ATP2C2: variants seen among roughly 807,000 people sequenced by gnomAD.
ATP2C2 encodes the protein calcium-transporting ATPase type 2C member 2.
A neutral mutation model predicts 110.8 loss-of-function variants in ATP2C2; 171 were observed. That is an observed-to-expected ratio of 1.54 (90% confidence interval 1.36 to 1.75). ATP2C2 has a LOEUF of 1.75. Ranked by LOEUF, ATP2C2 falls within the 40% of genes most tolerant of loss-of-function variation. The pLI, the probability that ATP2C2 is intolerant of heterozygous loss-of-function variation, is 0.00. For synonymous variants in ATP2C2, 804 were observed against 508.4 expected, an observed-to-expected ratio of 1.58 and a Z score of -7.82; for missense variants, 1,963 against 1,235.0, an observed-to-expected ratio of 1.59 and a Z score of -8.84.
rs372740954 is a variant in ATP2C2, at chr16:84,452,081, C to G, written c.1821C>G (p.Ala607=). 4.3e-6 allele frequency: 7 copies of G among 1,613,836 alleles called. No homozygotes were observed. Among genetic ancestry groups the G allele is most frequent in the African/African-American group, 4.0e-5 (3 of 74,852 alleles). ...TAACGGGGGATGCCCTGGAGACGGC[C>G]TTGGCCATAGGTAACTGGGACAGGG... ...KMITGDALET[A]LAIGRNIGLC... The change falls in exon 18 of 27, where the codon GCC becomes GCG. Residue 607 remains alanine (A), a synonymous_variant. Transcript: ENST00000262429.
rs74038217 is a variant in ATP2C2, at chr16:84,422,532, G to A, written c.767G>A (p.Arg256Lys). The A allele has an allele frequency of 1.2e-3, 1,910 of 1,614,004 alleles. 24 individuals carry two copies. In the African/African-American group the frequency reaches 0.023, roughly 19 times the overall value. ...VFMGTLVQYG[R>K]GQGVVIGTGE... is the part of the protein sequence containing the mutation. Reference sequence around the variant, plus strand: ...ATGGGGACCCTGGTGCAGTATGGGAGGGGCCAGGTAAGCCCTGGGACACCG... The same window carrying A: ...ATGGGGACCCTGGTGCAGTATGGGAAGGGCCAGGTAAGCCCTGGGACACCG... Residue 256 changes from arginine (R) to lysine (K), a missense_variant, in exon 8 of 27, where the codon AGG becomes AAG. Transcript: ENST00000262429.
At chr16:84,412,455 TG>T in intron 6 of ATP2C2, among the ~76,000 whole-genome samples, 1 of 124,666 alleles carries the variant, frequency 8.0e-6, no homozygotes, top group East Asian at 4.3e-4. Context: ...TGTGTGTCTG[TG>T]TCTCCGTGTG....
chr16:84,397,740 C>T (rs906652918), intron 1 of ATP2C2, among the ~76,000 whole-genome samples: 3 of 148,516 alleles, frequency 2.0e-5, no homozygotes, highest in African/African-American at 7.4e-5. Context: ...TATTCATCAA[C>T]AGGAGAACAA....
chr16:84,368,589 C>A lies in ATP2C2; in HGVS notation c.-27C>A. 6.6e-7 allele frequency: 1 copy of A among 1,520,018 alleles called. No individual in the cohort carries two copies. The highest frequency in any genetic ancestry group is 8.9e-7 in the Non-Finnish European group (1 of 1,124,102). 94.2% of individuals were successfully genotyped at this position (1,520,018 alleles called of 1,614,324 possible). A position where few individuals can be genotyped will look rare whatever the true frequency, so the allele number is the denominator to read the frequency against. On this transcript the variant is annotated 5_prime_UTR_variant, in exon 1 of 27. Coordinates refer to ENST00000262429, the MANE Select transcript of ATP2C2 (RefSeq NM_014861.4). ...CCGGGCCTCGCCGGGGACCTAGGGA[C>A]GCAGGCAACGCCTGCGCCCGCTCAC...
At chr16:84,462,311 A>G (rs1240316992) in intron 26 of ATP2C2, 182 bp downstream of exon 26, 8 of 755,980 alleles carry the variant, frequency 1.1e-5, no homozygotes, top group Non-Finnish European at 1.7e-5. Flanking sequence ...GGGTGATGTG[A>G]CGGATGCACA....
chr16:84,387,009 A>G (rs2151404767), intron 1 of ATP2C2, among the ~76,000 whole-genome samples: 1 of 152,230 alleles, frequency 6.6e-6, no homozygotes, highest in African/African-American at 2.4e-5. Context: ...CACTGTCTTA[A>G]GCTTGATTGT....
At chr16:84,405,503 C>T (rs969879909) in intron 3 of ATP2C2, among the ~76,000 whole-genome samples, 1 of 151,010 alleles carries the variant, frequency 6.6e-6, no homozygotes, top group African/African-American at 2.4e-5. Flanking sequence ...AATAAGTAAG[C>T]ATGCGCTTAC....
intron 11 of ATP2C2, among the ~76,000 whole-genome samples, chr16:84,437,914 C>T (rs1487258469): frequency 1.3e-5 from 2 of 152,240 alleles, no homozygotes; most frequent in Non-Finnish European, 2.9e-5. Context: ...AGCAATCGCT[C>T]ATCTTTCTTT....
At chr16:84,439,020 AC>A (rs2150565811) in intron 11 of ATP2C2, 145 bp from the exon 12 acceptor site, 1 of 1,226,268 alleles carries the variant, frequency 8.2e-7, no homozygotes, top group Non-Finnish European at 1.1e-6. Context: ...AGGCAGGTGC[AC>A]CTTAGGATTG....
chr16:84,414,179 A>C (rs1906630850), intron 6 of ATP2C2, among the ~76,000 whole-genome samples: 1 of 152,210 alleles, frequency 6.6e-6, no homozygotes, highest in Non-Finnish European at 1.5e-5. Context: ...CTGAGGGAGC[A>C]ACAGGTATAT....
In ATP2C2 at chr16:84,461,333, C is replaced by G. The variant is rs1264352594; in HGVS notation, c.2482-381C>G. The G allele has an allele frequency of 1.2e-5, 4 of 324,600 alleles. No homozygotes were observed. The Admixed American group carries it at 1.8e-4, about 15-fold the overall frequency. The allele number at this position is 324,600 out of a possible 1,614,324, so 20.1% of individuals were successfully genotyped here. ...AGGGGACCCTGGCCGGGTACCCTGC[C>G]TCCATTTTCCCTCCAGCTCTCCCTC... On this transcript the variant is annotated intron_variant, in intron 24 of 26. Transcript: ENST00000262429.
rs1011230135 is a variant in ATP2C2 at position 84,452,125 on chromosome 16, G to A, written c.1831+34G>A. 2.5e-6 allele frequency: 4 copies of A among 1,612,172 alleles called. No individual in the cohort carries two copies. In the African/African-American group the frequency reaches 5.3e-5, roughly 22 times the overall value. On this transcript the variant is annotated intron_variant, in intron 18 of 26. Coordinates refer to ENST00000262429, the MANE Select transcript of ATP2C2 (RefSeq NM_014861.4). ...GACAGGGTCGGGGGTGAGGACGAAA[G>A]GACCCATCCATCCTTTACGATGGGG...
chr16:84,390,912 G>A (rs1157576706), intron 1 of ATP2C2, among the ~76,000 whole-genome samples: 1 of 152,090 alleles, frequency 6.6e-6, no homozygotes, highest in Non-Finnish European at 1.5e-5. Flanking sequence ...TCAGGAGTTT[G>A]AGACCAGCCC....
intron 15 of ATP2C2, among the ~76,000 whole-genome samples, chr16:84,445,006 C>G (rs544971218): frequency 6.6e-6 from 1 of 152,052 alleles, no homozygotes; most frequent in Non-Finnish European, 1.5e-5. Flanking sequence ...TTAGTGTAAC[C>G]AAAACACACT....
intron 2 of ATP2C2, among the ~76,000 whole-genome samples, chr16:84,400,691 A>G (rs1468543699): frequency 6.6e-6 from 1 of 152,076 alleles, no homozygotes; most frequent in Non-Finnish European, 1.5e-5. Context: ...CATTCCTACC[A>G]ACAGTGTACA....
At chr16:84,395,877 C>T (rs1401717982) in intron 1 of ATP2C2, among the ~76,000 whole-genome samples, 1 of 152,196 alleles carries the variant, frequency 6.6e-6, no homozygotes, top group South Asian at 2.1e-4. Flanking sequence ...AAGGGTATGG[C>T]TCTCTGGCAT....
In ATP2C2 at chr16:84,451,971, C is replaced by A. The variant is rs146513346; in HGVS notation, c.1711C>A (p.Leu571Ile). The A allele has an allele frequency of 1.9e-6, 3 of 1,613,866 alleles. No homozygotes were observed. The highest frequency in any genetic ancestry group is 2.5e-6 in the Non-Finnish European group (3 of 1,179,996). Residue 571 changes from leucine (L) to isoleucine (I), a missense_variant, in exon 18 of 27, where the codon CTT (leucine) becomes ATT (isoleucine). By Grantham distance (5) the Leu-to-Ile change is conservative (BLOSUM62 2). Transcript: ENST00000262429. ...GCTGGGGCGGCTGACGTTTCTCGGT[C>A]TTGTGGGCATCATTGACCCCCCGAG... Reference protein sequence around the residue: ...PELGRLTFLGLVGIIDPPRVG... With the variant: ...PELGRLTFLGIVGIIDPPRVG...
chr16:84,373,229 G>C (rs1257924816), intron 1 of ATP2C2, among the ~76,000 whole-genome samples: 1 of 152,146 alleles, frequency 6.6e-6, no homozygotes. Flanking sequence ...GCTGGGCATG[G>C]TGGCTTACGC....
At chr16:84,421,106 G>A (rs61576794) in intron 7 of ATP2C2, among the ~76,000 whole-genome samples, 35,975 of 152,036 alleles carry the variant, frequency 0.24, 4,559 homozygotes, top group Non-Finnish European at 0.29. Context: ...ATGCCCGGCC[G>A]TCCTTGACAG....
Sources: allele counts gnomAD v4.1 joint callset (sites outside exome capture counted in the v4.1 genomes callset), GRCh38; gene constraint gnomAD v4.1.1; transcripts MANE v1.5; gene names NCBI Gene and HGNC (gene_info 2026-07-23, HGNC 2026-07-21).